NXPE2: variants seen among roughly 807,000 people sequenced by gnomAD.
The protein encoded by NXPE2 is NXPE family member 2.
In NXPE2, 34 loss-of-function variants were observed where a neutral mutation model predicts 34.4. That is an observed-to-expected ratio of 0.99 (90% CI 0.75 to 1.31). The LOEUF (loss-of-function observed/expected upper bound fraction) is 1.31. Among genes scored for constraint, NXPE2 ranks in the 40% most tolerant of loss-of-function variants. The probability of loss-of-function intolerance (pLI) is 0.00; values close to 1 mark genes in which losing one functional copy is unlikely to be tolerated. For synonymous variants in NXPE2, 235 were observed against 231.3 expected (o/e 1.02, Z -0.15); for missense variants, 649 against 672.5 (o/e 0.97, Z 0.39).
chr11:114,679,338 G>GT (rs1046835819), intron 1 of NXPE2, among the ~76,000 whole-genome samples: 4 of 151,688 alleles, frequency 2.6e-5, no homozygotes, highest in Non-Finnish European at 4.4e-5. Flanking sequence ...TGGGGGTACT[G>GT]TTTTTTCTGG....
chr11:114,670,007 A>T, the NXPE2 span, among the ~76,000 whole-genome samples: 1 of 152,102 alleles, frequency 6.6e-6, no homozygotes, highest in African/African-American at 2.4e-5. Flanking sequence ...CCATAAACCA[A>T]CTAATTTACC....
the NXPE2 span, among the ~76,000 whole-genome samples, chr11:114,729,528 C>G: frequency 1.3e-5 from 2 of 152,152 alleles, no homozygotes; most frequent in Non-Finnish European, 2.9e-5. Flanking sequence ...ATCCCACCAA[C>G]AGTGTATAAA....
At chr11:114,504,748 T>G in the NXPE2 span, among the ~76,000 whole-genome samples, 1 of 151,984 alleles carries the variant, frequency 6.6e-6, no homozygotes, top group African/African-American at 2.4e-5. Flanking sequence ...ATTCAAAGAT[T>G]GAAGGTAGAT....
the NXPE2 span, among the ~76,000 whole-genome samples, chr11:114,501,523 G>A: frequency 3.9e-5 from 6 of 152,166 alleles, no homozygotes; most frequent in Non-Finnish European, 7.4e-5. Context: ...TATGGTTATT[G>A]TAGTATATTT....
At chr11:114,591,894 T>A in the NXPE2 span, among the ~76,000 whole-genome samples, 1 of 152,126 alleles carries the variant, frequency 6.6e-6, no homozygotes, top group Non-Finnish European at 1.5e-5. Context: ...TTTTTGAAAG[T>A]CCATTTGTCA....
chr11:114,610,335 AT>A, the NXPE2 span, among the ~76,000 whole-genome samples: 1 of 150,506 alleles, frequency 6.6e-6, no homozygotes. Flanking sequence ...AATAATAAGT[AT>A]GGCCTCATGA....
chr11:114,706,064 T>G (rs1337160644), intron 5 of NXPE2, 68 bp downstream of exon 5: 2 of 611,200 alleles, frequency 3.3e-6, no homozygotes, highest in Non-Finnish European at 4.9e-6. Flanking sequence ...TAATTAGAAT[T>G]ATTTGCTTTT....
chr11:114,529,839 C>T, the NXPE2 span: 1 of 243,078 alleles, frequency 4.1e-6, no homozygotes, highest in Non-Finnish European at 7.9e-6. Context: ...TGGATCAACG[C>T]AAAGATATTT....
At chr11:114,640,411 G>T in the NXPE2 span, among the ~76,000 whole-genome samples, 1 of 150,976 alleles carries the variant, frequency 6.6e-6, no homozygotes, top group South Asian at 2.1e-4. Flanking sequence ...GAATTGTGCT[G>T]CAATATATAT....
At chr11:114,642,632 A>G in the NXPE2 span, among the ~76,000 whole-genome samples, 4 of 152,084 alleles carry the variant, frequency 2.6e-5, no homozygotes, top group African/African-American at 9.7e-5. Flanking sequence ...CATGGTGTAC[A>G]TGTGCCACAT....
chr11:114,623,536 T>C, the NXPE2 span, among the ~76,000 whole-genome samples: 1 of 152,156 alleles, frequency 6.6e-6, no homozygotes, highest in Non-Finnish European at 1.5e-5. Flanking sequence ...ATAAACACTG[T>C]TACCTGGCAG....
the NXPE2 span, among the ~76,000 whole-genome samples, chr11:114,796,023 G>GTGTT: frequency 6.6e-6 from 1 of 152,272 alleles, no homozygotes; most frequent in African/African-American, 2.4e-5. Context: ...GGAAACTGTG[G>GTGTT]TGTTGTAGGA....
At chr11:114,503,208 C>G in the NXPE2 span, among the ~76,000 whole-genome samples, 15 of 152,052 alleles carry the variant, frequency 9.9e-5, no homozygotes, top group Non-Finnish European at 2.9e-5. Context: ...TGAGATTGCC[C>G]TATTAATCAG....
chr11:114,636,905 G>A, the NXPE2 span, among the ~76,000 whole-genome samples: 6 of 152,096 alleles, frequency 3.9e-5, no homozygotes, highest in African/African-American at 1.4e-4. Flanking sequence ...TTTTGGAATA[G>A]GTGTGGTGTG....
chr11:114,591,499 G>A, the NXPE2 span, among the ~76,000 whole-genome samples: 1 of 152,152 alleles, frequency 6.6e-6, no homozygotes, highest in Non-Finnish European at 1.5e-5. Context: ...AGCCAAGTCA[G>A]CAGCAAGAAA....
chr11:114,698,238 CCA>C lies in NXPE2; in HGVS notation c.333_334del (p.His111GlnfsTer58), dbSNP rs1339151896. On this transcript the variant is annotated frameshift_variant, in exon 3 of 6. Coordinates refer to ENST00000389586, the MANE Select transcript of NXPE2 (RefSeq NM_182495.6). LOFTEE classifies it high-confidence loss of function. ...ACCCATGTGAATACCACCACCAGTG[CCA>C]CACACAGCACAGCCACCATCCTCAA... 12 of 1,613,626 alleles carry C rather than the reference CCA, an allele frequency of 7.4e-6. No homozygotes were observed. In the East Asian group the frequency reaches 2.5e-4, roughly 33 times the overall value.
the NXPE2 span, among the ~76,000 whole-genome samples, chr11:114,496,461 AGGTACTG>A: frequency 9.9e-5 from 15 of 152,270 alleles, no homozygotes; most frequent in African/African-American, 3.6e-4. Context: ...TGTTAAAACC[AGGTACTG>A]TGATATCCCT....
chr11:114,500,679 C>G, the NXPE2 span, among the ~76,000 whole-genome samples: 1 of 151,936 alleles, frequency 6.6e-6, no homozygotes, highest in African/African-American at 2.4e-5. Flanking sequence ...TTAAGAAATC[C>G]TTACTTACCT....
the NXPE2 span, among the ~76,000 whole-genome samples, chr11:114,559,126 C>T: frequency 6.6e-6 from 1 of 152,096 alleles, no homozygotes; most frequent in Non-Finnish European, 1.5e-5. Context: ...ACATACAAAG[C>T]ACAATACATG....
Sources: gnomAD v4.1 joint callset for allele counts (sites outside exome capture counted in the v4.1 genomes callset) on GRCh38, gnomAD v4.1.1 for gene constraint, MANE v1.5 for transcripts, NCBI Gene and HGNC (gene_info 2026-07-23, HGNC 2026-07-21) for gene names.